PIK3R5: variants seen among roughly 807,000 people sequenced by gnomAD.
PIK3R5 encodes the protein phosphoinositide 3-kinase regulatory subunit 5.
PIK3R5 carries 32 observed loss-of-function variants against 94.9 expected under a neutral mutation model. That is an observed-to-expected ratio of 0.34 (90% CI 0.25 to 0.45). The LOEUF is 0.45. Among genes scored for constraint, PIK3R5 ranks in the 20% least tolerant of loss-of-function variants. The pLI, the probability that PIK3R5 is intolerant of heterozygous loss-of-function variation, is 1.00. For synonymous variants in PIK3R5, 443 were observed against 479.4 expected, an observed-to-expected ratio of 0.92 and a Z score of 0.99; for missense variants, 853 against 1,144.6, an observed-to-expected ratio of 0.75 and a Z score of 3.68.
At chr17:8,899,075 T>C (rs1462640122) in intron 5 of PIK3R5, among the ~76,000 whole-genome samples, 3 of 152,218 alleles carry the variant, frequency 2.0e-5, no homozygotes, top group Admixed American at 1.3e-4. Context: ...TCGGCACAGC[T>C]ATGCAGGCAT....
In PIK3R5 at chr17:8,888,617, GC is replaced by G; in HGVS notation, c.1169del (p.Gly390AlafsTer64). On this transcript the variant is annotated frameshift_variant, in exon 10 of 19. Coordinates refer to ENST00000447110, the MANE Select transcript of PIK3R5 (RefSeq NM_001142633.3). LOFTEE classifies it high-confidence loss of function. This position sits in a 1 kb window ranked among gnomAD's most constrained non-coding sequence, Gnocchi z 7.8. Reference protein sequence around the residue: ...VSGLSDGMDSGYVEDSEESSS... With the variant: ...VSGLSDGMDSXYVEDSEESSS... ...AGCTCTCCTCGCTGTCCTCCACGTA[GC>G]CGCTGTCCATGCCATCAGAGAGGCC... is the stretch of plus-strand genomic sequence containing the variant. The G allele has an allele frequency of 6.2e-7, 1 of 1,612,780 alleles. No homozygotes were observed. Among genetic ancestry groups the G allele is most frequent in the Non-Finnish European group, 8.5e-7 (1 of 1,179,482 alleles).
rs199732856 is a variant in PIK3R5 at position 8,893,046 on chromosome 17, CTGTGTGTGTGTG to C, written c.482+528_482+539del. On this transcript the variant is annotated intron_variant, in intron 6 of 18. Transcript: ENST00000447110. This position sits in a 1 kb window ranked among gnomAD's most constrained non-coding sequence, Gnocchi z 5.1. ...GTAACCAGGATACATTTCATTTCAG[CTGTGTGTGTGTG>C]TGTGTGTGTGTGTGTGTGTGTGTGT... Among the ~76,000 whole-genome samples, 20 of 135,886 alleles carry C rather than the reference CTGTGTGTGTGTG, an allele frequency of 1.5e-4. No individual in the cohort carries two copies. The highest frequency in any genetic ancestry group is 3.6e-4 in the African/African-American group (12 of 33,128). The allele number at this position is 135,886 out of a possible 152,430, so 89.1% of individuals were successfully genotyped here.
chr17:8,921,419 C>T (rs758592549), intron 1 of PIK3R5, among the ~76,000 whole-genome samples: 1 of 152,124 alleles, frequency 6.6e-6, no homozygotes, highest in African/African-American at 2.4e-5. Flanking sequence ...CATTCTGGCT[C>T]ATGAATTATA....
Position 8,925,766 on chromosome 17 carries a change from C to A in PIK3R5, c.-13-14259G>T, listed in dbSNP as rs1014880063. Reference sequence around the variant, plus strand: ...ATTTTGGTCCCCAAGTGGGTGTGCACTTTTTCCTTGGATGCTTCATCCCCT... The same window carrying A: ...ATTTTGGTCCCCAAGTGGGTGTGCAATTTTTCCTTGGATGCTTCATCCCCT... On this transcript the variant is annotated intron_variant, in intron 1 of 18. Coordinates refer to ENST00000447110, the MANE Select transcript of PIK3R5 (RefSeq NM_001142633.3). The surrounding 1 kb of genome is among the most constrained non-coding windows in gnomAD (Gnocchi z 5.1). Among the ~76,000 whole-genome samples the A allele has an allele frequency of 6.6e-6, 1 of 152,232 alleles. No individual in the cohort carries two copies. The highest frequency in any genetic ancestry group is 6.5e-5 in the Admixed American group (1 of 15,288).
intron 1 of PIK3R5, among the ~76,000 whole-genome samples, chr17:8,946,190 A>G (rs2091266997): frequency 1.3e-5 from 2 of 152,032 alleles, no homozygotes; most frequent in Admixed American, 1.3e-4. Flanking sequence ...TGGAACATAC[A>G]CATCTGGTGT....
At chr17:8,941,473 C>G (rs1477643269) in intron 1 of PIK3R5, among the ~76,000 whole-genome samples, 1 of 152,166 alleles carries the variant, frequency 6.6e-6, no homozygotes, top group East Asian at 1.9e-4. Flanking sequence ...GATTCTGAGA[C>G]AGATGAAAGG....
chr17:8,883,064 A>C (rs2089719612), intron 15 of PIK3R5, among the ~76,000 whole-genome samples: 1 of 152,174 alleles, frequency 6.6e-6, no homozygotes. Flanking sequence ...TGCTCTTAGG[A>C]CTAGGATAAA....
chr17:8,921,657 A>T (rs1392275171), intron 1 of PIK3R5, among the ~76,000 whole-genome samples: 2 of 152,222 alleles, frequency 1.3e-5, no homozygotes, highest in Non-Finnish European at 2.9e-5. Context: ...AAATTTTTTT[A>T]AAAACTTTAA....
chr17:8,887,587 G>A lies in PIK3R5; in HGVS notation c.1713C>T (p.Ala571=). The part of the protein sequence containing the change: ...VKRSHGTSPG[A]CPPPRSQTPS... ...GCGTCTGGCTCCGAGGGGGTGGACA[G>A]GCACCAGGGCTGGTCCCATGACTTC... The change falls in exon 11 of 19, where the codon GCC becomes GCT. Residue 571 remains alanine (A), a synonymous_variant. Coordinates refer to ENST00000447110, the MANE Select transcript of PIK3R5 (RefSeq NM_001142633.3). 3.1e-6 allele frequency: 5 copies of A among 1,609,676 alleles called. No individual in the cohort carries two copies. The highest frequency in any genetic ancestry group is 4.2e-6 in the Non-Finnish European group (5 of 1,178,144).
chr17:8,898,945 C>T (rs2090215103), intron 5 of PIK3R5, among the ~76,000 whole-genome samples: 1 of 152,246 alleles, frequency 6.6e-6, no homozygotes, highest in Non-Finnish European at 1.5e-5. Context: ...TCTTCCCCTA[C>T]AGGCAAGGTG....
Position 8,884,673 on chromosome 17 carries a change from C to T in PIK3R5, c.2205+34G>A. On this transcript the variant is annotated intron_variant, in intron 15 of 18. Transcript: ENST00000447110. The surrounding 1 kb of genome is among the most constrained non-coding windows in gnomAD (Gnocchi z 5.8). ...GGCGGAGGAAGTATCAGCAGCAGATCCTGGAGGGGAAGGAGCCCCAGCACG... is the reference window on the plus strand; with the variant it reads ...GGCGGAGGAAGTATCAGCAGCAGATTCTGGAGGGGAAGGAGCCCCAGCACG... 6.5e-7 allele frequency: 1 copy of T among 1,537,658 alleles called. No individual in the cohort carries two copies. Among genetic ancestry groups the T allele is most frequent in the Non-Finnish European group, 9.0e-7 (1 of 1,111,516 alleles).
At chr17:8,946,493 T>A (rs2151465227) in intron 1 of PIK3R5, among the ~76,000 whole-genome samples, 1 of 151,652 alleles carries the variant, frequency 6.6e-6, no homozygotes, top group Admixed American at 6.6e-5. Context: ...CCATAAGGCA[T>A]CCAAGATAAT....
chr17:8,950,369 G>T (rs2091355521), intron 1 of PIK3R5, among the ~76,000 whole-genome samples: 1 of 152,116 alleles, frequency 6.6e-6, no homozygotes, highest in Non-Finnish European at 1.5e-5. Context: ...AGATACAGGT[G>T]CAGGTTTGTT....
intron 1 of PIK3R5, among the ~76,000 whole-genome samples, chr17:8,950,595 G>C (rs1264967297): frequency 1.3e-5 from 2 of 152,168 alleles, no homozygotes; most frequent in African/African-American, 2.4e-5. Flanking sequence ...ATGGCCTCCA[G>C]CTCCATCCAT....
At position 8,896,655 on chromosome 17, in the gene PIK3R5, A is replaced by G. The variant is rs2090159163; in HGVS notation, c.413-3000T>C. On this transcript the variant is annotated intron_variant, in intron 5 of 18. Coordinates refer to ENST00000447110, the MANE Select transcript of PIK3R5 (RefSeq NM_001142633.3). The surrounding 1 kb of genome is among the most constrained non-coding windows in gnomAD (Gnocchi z 4.0). ...GCTTCCACTCTTTTTCAAAGTTGCA[A>G]ATAGATGGGGATCCTGCACAGAACA... Among the ~76,000 whole-genome samples the G allele has an allele frequency of 6.6e-6, 1 of 152,204 alleles. No homozygotes were observed. The highest frequency in any genetic ancestry group is 1.5e-5 in the Non-Finnish European group (1 of 68,014).
chr17:8,920,394 C>T (rs1047413760), intron 1 of PIK3R5, among the ~76,000 whole-genome samples: 5 of 152,220 alleles, frequency 3.3e-5, no homozygotes, highest in African/African-American at 1.2e-4. Flanking sequence ...AACATTCCCA[C>T]TCTACAGATA....
intron 1 of PIK3R5, among the ~76,000 whole-genome samples, chr17:8,950,119 C>A (rs887585097): frequency 1.3e-5 from 2 of 152,132 alleles, no homozygotes; most frequent in Non-Finnish European, 2.9e-5. Flanking sequence ...TGAATTTGAG[C>A]AAGTCTTGCT....
chr17:8,927,882 C>T (rs1365400859), intron 1 of PIK3R5, among the ~76,000 whole-genome samples: 2 of 152,032 alleles, frequency 1.3e-5, no homozygotes. Flanking sequence ...CAGCTTAGTT[C>T]CCCTGAGAGC....
chr17:8,887,333 G>A, intron 11 of PIK3R5, 112 bp from the exon 12 acceptor site: 1 of 1,457,464 alleles, frequency 6.9e-7, no homozygotes, highest in Non-Finnish European at 9.3e-7. Flanking sequence ...CCCTGCCCTT[G>A]GGGAAGTATG....
Sources: allele counts gnomAD v4.1 joint callset (sites outside exome capture counted in the v4.1 genomes callset), GRCh38; gene constraint gnomAD v4.1.1; non-coding constraint Gnocchi (gnomAD v3.1); transcripts MANE v1.5; gene names NCBI Gene and HGNC (gene_info 2026-07-23, HGNC 2026-07-21).